Variants in ZNF284 observed in about 807,000 individuals in gnomAD.
ZNF284 encodes zinc finger protein 284.
In ZNF284, 12 loss-of-function variants were observed where a neutral mutation model predicts 12.9. That is an observed-to-expected ratio of 0.93 (90% confidence interval 0.60 to 1.51). ZNF284 has a LOEUF of 1.51. ZNF284 is among the 40% of genes most tolerant of loss of function. The pLI is 0.00. For missense variants in ZNF284, 667 were observed against 707.3 expected (o/e 0.94, Z 0.65); for synonymous variants, 225 against 236.5 (o/e 0.95, Z 0.45).
chr19:44,083,475 A>ATATATATATATATATATATATAAT (rs1491582978), intron 4 of ZNF284, among the ~76,000 whole-genome samples: 6 of 59,006 alleles, frequency 1.0e-4, no homozygotes, highest in Admixed American at 1.5e-4. Context: ...ATATATATAT[A>ATATATATATATATATATATATAAT]GAGAGAGAGA....
At position 44,085,674 on chromosome 19, in the gene ZNF284, G is replaced by C. The variant is rs1363149614; in HGVS notation, c.236-40G>C. The C allele has an allele frequency of 5.3e-6, 8 of 1,519,066 alleles. No homozygotes were observed. The Admixed American group carries it at 1.5e-4, about 28-fold the overall frequency. 94.1% of individuals were successfully genotyped at this position (1,519,066 alleles called of 1,614,324 possible). A position where few individuals can be genotyped will look rare whatever the true frequency, so the allele number is the denominator to read the frequency against. On this transcript the variant is annotated intron_variant, in intron 4 of 4. Coordinates refer to ENST00000421176, the MANE Select transcript of ZNF284 (RefSeq NM_001037813.4). Reference sequence around the variant, plus strand: ...GAAATCCTGAAAACACTGAACAAAGGTTTCACTTACCCACATCTCTTAATT... The same window carrying C: ...GAAATCCTGAAAACACTGAACAAAGCTTTCACTTACCCACATCTCTTAATT...
In ZNF284 at chr19:44,088,243, T is replaced by C. The variant is rs1967295659; in HGVS notation, c.*983T>C. ...TATGCTGCTTCTATGATGTCAACTT[T>C]TTAGCTTCCACATATGTGTGAAAAC... On this transcript the variant is annotated 3_prime_UTR_variant, in exon 5 of 5. Transcript: ENST00000421176. 1 of 135,942 alleles carries C rather than the reference T, an allele frequency of 7.4e-6. No homozygotes were observed. The highest frequency in any genetic ancestry group is 1.7e-5 in the Non-Finnish European group (1 of 59,854). The allele number at this position is 135,942 out of a possible 1,614,324, so 8.4% of individuals were successfully genotyped here.
chr19:44,073,439 G>A (rs982447130), intron 1 of ZNF284, among the ~76,000 whole-genome samples: 12 of 152,052 alleles, frequency 7.9e-5, no homozygotes, highest in African/African-American at 2.4e-4. Context: ...GTTATGCAGC[G>A]GTATGATTGT....
In ZNF284 at chr19:44,087,361, T is replaced by C; in HGVS notation, c.*101T>C. The C allele has an allele frequency of 2.2e-6, 2 of 911,636 alleles. No individual in the cohort carries two copies. Among genetic ancestry groups the C allele is most frequent in the Non-Finnish European group, 3.1e-6 (2 of 640,970 alleles). 56.5% of individuals were successfully genotyped at this position (911,636 alleles called of 1,614,324 possible). A position where few individuals can be genotyped will look rare whatever the true frequency, so the allele number is the denominator to read the frequency against. On this transcript the variant is annotated 3_prime_UTR_variant, in exon 5 of 5. Transcript: ENST00000421176. ...AGCATATCCATCACCTCCTTTATCA[T>C]TTATTTGTGGATCATTTATCATTTC...
At chr19:44,085,578 C>A (rs1219040941) in intron 4 of ZNF284, 136 bp from the exon 5 acceptor site, 2 of 745,518 alleles carry the variant, frequency 2.7e-6, no homozygotes, top group Non-Finnish European at 4.4e-6. Context: ...CAACGAGAGA[C>A]CGTGGTGCAC....
intron 1 of ZNF284, among the ~76,000 whole-genome samples, chr19:44,075,387 C>G (rs141984287): frequency 6.6e-6 from 1 of 152,246 alleles, no homozygotes; most frequent in African/African-American, 2.4e-5. Context: ...TGGTAAATTT[C>G]ATGTTTACGT....
intron 2 of ZNF284, among the ~76,000 whole-genome samples, chr19:44,078,372 G>C (rs1967067194): frequency 6.6e-6 from 1 of 152,158 alleles, no homozygotes; most frequent in South Asian, 2.1e-4. Context: ...TTTGGAGTTT[G>C]AGAAAAAATT....
intron 2 of ZNF284, among the ~76,000 whole-genome samples, chr19:44,077,061 CT>C: frequency 6.6e-6 from 1 of 152,312 alleles, no homozygotes; most frequent in South Asian, 2.1e-4. Flanking sequence ...CTCAAGTGGT[CT>C]GCCTGCCTCA....
Position 44,086,353 on chromosome 19 carries a change from G to A in ZNF284, c.875G>A (p.Cys292Tyr), listed in dbSNP as rs1370242409. The change falls in exon 5 of 5, where the codon TGT becomes TAT. Residue 292 changes from cysteine to tyrosine, a missense_variant. Cys to Tyr is a radical substitution (Grantham distance 194, BLOSUM62 -2). Coordinates refer to ENST00000421176, the MANE Select transcript of ZNF284 (RefSeq NM_001037813.4). ...TGEKPFKCYICGKSFHSRSNL... is the reference protein window; with the variant it reads ...TGEKPFKCYIYGKSFHSRSNL... ...GAGAAGCCATTCAAATGTTATATATGTGGTAAGAGCTTCCATAGTAGATCA... is the reference window on the plus strand; with the variant it reads ...GAGAAGCCATTCAAATGTTATATATATGGTAAGAGCTTCCATAGTAGATCA... The A allele has an allele frequency of 1.9e-6, 3 of 1,614,046 alleles. No individual in the cohort carries two copies. The highest frequency in any genetic ancestry group is 2.5e-6 in the Non-Finnish European group (3 of 1,180,034).
At chr19:44,079,900 C>T (rs1967093749) in intron 2 of ZNF284, among the ~76,000 whole-genome samples, 1 of 151,900 alleles carries the variant, frequency 6.6e-6, no homozygotes, top group Admixed American at 6.6e-5. Context: ...TGCACTCCAG[C>T]CTGGGCAACA....
At chr19:44,078,443 A>T (rs1422773154) in intron 2 of ZNF284, among the ~76,000 whole-genome samples, 1 of 152,124 alleles carries the variant, frequency 6.6e-6, no homozygotes, top group African/African-American at 2.4e-5. Context: ...TTTAATTTTC[A>T]TTTGAAATTA....
intron 2 of ZNF284, among the ~76,000 whole-genome samples, chr19:44,080,791 A>G (rs1167835449): frequency 2.0e-5 from 3 of 152,326 alleles, no homozygotes; most frequent in South Asian, 2.1e-4. Flanking sequence ...TAAGTGCACA[A>G]AGTAAACCTA....
rs1967170793 is a variant in ZNF284, at chr19:44,083,507, T to TA, written c.235+1402_235+1403insA. On this transcript the variant is annotated intron_variant, in intron 4 of 4. Transcript: ENST00000421176. ...GAGAGAGAGAGAGAGAGAGAGGGAA[T>TA]GGAATACCATCCTATCTTTACCCTT... Among the ~76,000 whole-genome samples, 30 of 89,618 alleles carry TA rather than the reference T, an allele frequency of 3.3e-4. 3 individuals are homozygous for TA. The highest frequency in any genetic ancestry group is 5.8e-4 in the Non-Finnish European group (23 of 39,732). 58.8% of individuals were successfully genotyped at this position (89,618 alleles called of 152,430 possible).
At chr19:44,083,466 T>TAGAG (rs1394825145) in intron 4 of ZNF284, among the ~76,000 whole-genome samples, 35 of 62,326 alleles carry the variant, frequency 5.6e-4, no homozygotes, top group Middle Eastern at 7.7e-3. Context: ...TATATATATA[T>TAGAG]ATATATATAG....
chr19:44,075,312 A>G (rs902532117), intron 1 of ZNF284, among the ~76,000 whole-genome samples: 3 of 152,134 alleles, frequency 2.0e-5, no homozygotes, highest in Admixed American at 6.6e-5. Context: ...TGTCTTTTAT[A>G]TGCATGGTTT....
intron 4 of ZNF284, among the ~76,000 whole-genome samples, chr19:44,084,139 C>G (rs2147506259): frequency 6.6e-6 from 1 of 152,316 alleles, no homozygotes; most frequent in South Asian, 2.1e-4. Flanking sequence ...AGCCTGTCCT[C>G]AGGCCTTTCA....
chr19:44,087,134 A>T lies in ZNF284; in HGVS notation c.1656A>T (p.Ser552=), dbSNP rs200033548. The change falls in exon 5 of 5, where the codon TCA becomes TCT. Residue 552 remains serine, a synonymous_variant. Coordinates refer to ENST00000421176, the MANE Select transcript of ZNF284 (RefSeq NM_001037813.4). The stretch of plus-strand genomic sequence containing the variant: ...GTGGGAAGAGCAGTGAGCACAGTTC[A>T]TGCCTTCAAGACCAACAAAGCGACC... ...EDCGKSSEHS[S]CLQDQQSDHS... is the part of the protein sequence containing the mutation. 38 of 1,614,180 alleles carry T rather than the reference A, an allele frequency of 2.4e-5. No homozygotes were observed. The African/African-American group carries it at 4.5e-4, about 19-fold the overall frequency.
rs779202410 is a variant in ZNF284, at chr19:44,086,219, T to C, written c.741T>C (p.Tyr247=). 1.9e-6 allele frequency: 3 copies of C among 1,614,242 alleles called. No homozygotes were observed. The highest frequency in any genetic ancestry group is 1.3e-5 in the African/African-American group (1 of 75,072). ...GTTTCAGCCGTAGATCAGGAATGTA[T>C]GTTCATTGCAAATTACACACAGGAG... ...GKSFSRRSGM[Y]VHCKLHTGEK... is the part of the protein sequence containing the mutation. The change falls in exon 5 of 5, where the codon TAT becomes TAC. Residue 247 remains tyrosine (Y), a synonymous_variant. Coordinates refer to ENST00000421176, the MANE Select transcript of ZNF284 (RefSeq NM_001037813.4).
chr19:44,076,789 T>C (rs1210307075), intron 2 of ZNF284, among the ~76,000 whole-genome samples: 1 of 151,726 alleles, frequency 6.6e-6, no homozygotes, highest in Non-Finnish European at 1.5e-5. Flanking sequence ...TATTTATGGT[T>C]GCATCATGTT....
Sources: gnomAD v4.1 joint callset for allele counts (sites outside exome capture counted in the v4.1 genomes callset) on GRCh38, gnomAD v4.1.1 for gene constraint, MANE v1.5 for transcripts, NCBI Gene and HGNC (gene_info 2026-07-23, HGNC 2026-07-21) for gene names.